Variants in CABIN1 observed in about 807,000 individuals in gnomAD.
The protein encoded by CABIN1 is calcineurin binding protein 1, also known as calcineurin-binding protein cabin-1.
In CABIN1, 133 loss-of-function variants were observed where a neutral mutation model predicts 227.7. The ratio of observed to expected loss-of-function variants is 0.58; its 90% confidence interval spans 0.51 to 0.67. The LOEUF is 0.67. Among genes scored for constraint, CABIN1 ranks in the 30% least tolerant of loss-of-function variants. The pLI is 0.00. For missense variants in CABIN1, 2,408 were observed against 2,852.5 expected, an observed-to-expected ratio of 0.84 and a Z score of 3.55; for synonymous variants, 1,086 against 1,155.1, an observed-to-expected ratio of 0.94 and a Z score of 1.21.
chr22:24,081,922 G>A lies in CABIN1; in HGVS notation c.2749-1306G>A, dbSNP rs563275582. On this transcript the variant is annotated intron_variant, in intron 19 of 36. Transcript: ENST00000263119. ...GGTGCCTGTAGTCCTAGCTACTTGG[G>A]AGGCTGAGACAGGAGAATTGCTTGA... Among the ~76,000 whole-genome samples the A allele has an allele frequency of 2.9e-4, 44 of 152,190 alleles. No homozygotes were observed. The South Asian group carries it at 5.0e-3, about 17-fold the overall frequency.
chr22:24,157,602 G>A (rs903678337), intron 29 of CABIN1, among the ~76,000 whole-genome samples: 2 of 152,002 alleles, frequency 1.3e-5, no homozygotes, highest in African/African-American at 2.4e-5. Context: ...CTGTGAAGAC[G>A]GTTGGCCCCA....
intron 7 of CABIN1, among the ~76,000 whole-genome samples, chr22:24,050,112 G>C (rs926811145): frequency 6.6e-6 from 1 of 152,202 alleles, no homozygotes; most frequent in South Asian, 2.1e-4. Context: ...CACACCTGTA[G>C]GGGTTGATTA....
intron 7 of CABIN1, 21 bp downstream of exon 7, chr22:24,049,241 T>G (rs1197213043): frequency 2.5e-6 from 4 of 1,611,386 alleles, no homozygotes; most frequent in Non-Finnish European, 3.4e-6. Flanking sequence ...CCTCTTCCCA[T>G]GCCATGTGTG....
chr22:24,114,297 G>T (rs1022274248), intron 27 of CABIN1, among the ~76,000 whole-genome samples: 4 of 152,160 alleles, frequency 2.6e-5, no homozygotes, highest in African/African-American at 9.7e-5. Flanking sequence ...CCCCACATCT[G>T]GGCTTACTGG....
rs1311976740 is a variant in CABIN1, at chr22:24,056,320, G to A, written c.1222G>A (p.Val408Ile). ...RNTKCKKEEKVDFQELLMKFL... is the reference protein window; with the variant it reads ...RNTKCKKEEKIDFQELLMKFL... ...CACCAAGTGCAAAAAAGAAGAGAAA[G>A]TAGACTTCCAGGAGCTTCTGATGAA... Residue 408 changes from valine to isoleucine, a missense_variant, in exon 10 of 37, where the codon GTA becomes ATA. Transcript: ENST00000263119. The A allele has an allele frequency of 1.9e-6, 3 of 1,613,944 alleles. No homozygotes were observed. The highest frequency in any genetic ancestry group is 1.3e-5 in the African/African-American group (1 of 75,026).
chr22:24,035,394 T>C (rs1366211921), intron 1 of CABIN1, 50 bp from the exon 2 acceptor site: 9 of 1,328,224 alleles, frequency 6.8e-6, no homozygotes, highest in African/African-American at 1.4e-5. Flanking sequence ...CACTGTGACC[T>C]TCCTGGCTCT....
Position 24,171,993 on chromosome 22 carries a change from C to G in CABIN1, c.6038C>G (p.Pro2013Arg). Residue 2013 changes from proline (P) to arginine (R), a missense_variant and splice_region_variant, in exon 34 of 37, where the codon CCA becomes CGA. Physicochemically the swap from Pro to Arg is moderately radical, Grantham distance 103. Coordinates refer to ENST00000263119, the MANE Select transcript of CABIN1 (RefSeq NM_012295.4). Reference protein sequence around the residue: ...EATPSMASLGPEGEELARVAE... With the variant: ...EATPSMASLGREGEELARVAE... The stretch of plus-strand genomic sequence containing the variant: ...ACCCCCAGCATGGCCTCTCTGGGCC[C>G]AGGTGAGTCCCATCCCAGTCCAGAG... The G allele has an allele frequency of 6.2e-7, 1 of 1,609,726 alleles. No individual in the cohort carries two copies. The highest frequency in any genetic ancestry group is 8.5e-7 in the Non-Finnish European group (1 of 1,179,608).
chr22:24,164,717 C>T (rs45541041), intron 30 of CABIN1, among the ~76,000 whole-genome samples, 154 bp downstream of exon 30: 2,796 of 152,248 alleles, frequency 0.018, 34 homozygotes, highest in Middle Eastern at 0.031. Flanking sequence ...CCTCTCTGTC[C>T]CAGTGTCTAG....
At position 24,177,148 on chromosome 22, in the gene CABIN1, C is replaced by T. The variant is rs890948792; in HGVS notation, c.6206-356C>T. On this transcript the variant is annotated intron_variant, in intron 35 of 36. Coordinates refer to ENST00000263119, the MANE Select transcript of CABIN1 (RefSeq NM_012295.4). This position sits in a 1 kb window ranked among gnomAD's most constrained non-coding sequence, Gnocchi z 4.4. ...CAGTGTCCTCCCTGGGGCATAGACACCAATAGGACATGCATCCTAGGATGG... is the reference window on the plus strand; with the variant it reads ...CAGTGTCCTCCCTGGGGCATAGACATCAATAGGACATGCATCCTAGGATGG... Among the ~76,000 whole-genome samples the T allele has an allele frequency of 6.6e-6, 1 of 152,218 alleles. No homozygotes were observed. Among genetic ancestry groups the T allele is most frequent in the Non-Finnish European group, 1.5e-5 (1 of 68,032 alleles).
At chr22:24,106,533 G>A (rs1301934529) in intron 26 of CABIN1, among the ~76,000 whole-genome samples, 2 of 152,216 alleles carry the variant, frequency 1.3e-5, no homozygotes, top group African/African-American at 2.4e-5. Flanking sequence ...TCCCAGCACT[G>A]TGGCACATTG....
chr22:24,086,079 A>G (rs2041141006), intron 22 of CABIN1, among the ~76,000 whole-genome samples: 1 of 150,982 alleles, frequency 6.6e-6, no homozygotes, highest in Admixed American at 6.6e-5. Context: ...GATTGTGTGA[A>G]AGGTTCTCAC....
intron 24 of CABIN1, among the ~76,000 whole-genome samples, chr22:24,092,784 T>C (rs1386451882): frequency 6.6e-6 from 1 of 151,808 alleles, no homozygotes; most frequent in Non-Finnish European, 1.5e-5. Context: ...CCCCTAGTGA[T>C]TCCAGTATGC....
intron 8 of CABIN1, among the ~76,000 whole-genome samples, chr22:24,051,799 A>C (rs533665729): frequency 1.3e-5 from 2 of 152,116 alleles, no homozygotes; most frequent in Non-Finnish European, 2.9e-5. Context: ...TAGGGTTGTC[A>C]TGATAATGAC....
intron 26 of CABIN1, among the ~76,000 whole-genome samples, chr22:24,111,865 G>T (rs1216478398): frequency 1.3e-5 from 2 of 152,328 alleles, no homozygotes; most frequent in Middle Eastern, 3.4e-3. Flanking sequence ...GCTGTGTCAG[G>T]TTGGCTGCAA....
chr22:24,064,718 C>CTT (rs1197836148), intron 15 of CABIN1, among the ~76,000 whole-genome samples: 2 of 151,944 alleles, frequency 1.3e-5, no homozygotes, highest in African/African-American at 4.8e-5. Flanking sequence ...GGTGATGACT[C>CTT]TTAACGAGCA....
rs1249572531 is a variant in CABIN1 at position 24,114,632 on chromosome 22, A to G, written c.4300+884A>G. On this transcript the variant is annotated intron_variant, in intron 27 of 36. Transcript: ENST00000263119. Reference sequence around the variant, plus strand: ...CACGCTACCTCTCCGGGTGGGATGGATGGATGGATGGGGAAAAACGCTGGT... The same window carrying G: ...CACGCTACCTCTCCGGGTGGGATGGGTGGATGGATGGGGAAAAACGCTGGT... Among the ~76,000 whole-genome samples the G allele has an allele frequency of 5.9e-5, 9 of 152,246 alleles. No homozygotes were observed. In the South Asian group the frequency reaches 1.5e-3, roughly 25 times the overall value.
chr22:24,082,296 C>G (rs1274842962), intron 19 of CABIN1, among the ~76,000 whole-genome samples: 1 of 151,998 alleles, frequency 6.6e-6, no homozygotes, highest in Non-Finnish European at 1.5e-5. Context: ...CACTTTGTTG[C>G]CCAGGCTGGT....
At chr22:24,163,400 G>C (rs915695380) in intron 29 of CABIN1, among the ~76,000 whole-genome samples, 1 of 152,132 alleles carries the variant, frequency 6.6e-6, no homozygotes, top group Non-Finnish European at 1.5e-5. Context: ...CCCTGAGAGG[G>C]GTACCACCTA....
intron 29 of CABIN1, among the ~76,000 whole-genome samples, chr22:24,136,347 C>CTTTT (rs71184947): frequency 1.8e-4 from 20 of 113,208 alleles, no homozygotes; most frequent in African/African-American, 3.1e-4. Flanking sequence ...GCCATCCCTC[C>CTTTT]TTTTTTTTTT....
Sources: gnomAD v4.1 joint callset for allele counts (sites outside exome capture counted in the v4.1 genomes callset) on GRCh38, gnomAD v4.1.1 for gene constraint, Gnocchi (gnomAD v3.1) non-coding constraint, MANE v1.5 for transcripts, NCBI Gene and HGNC (gene_info 2026-07-23, HGNC 2026-07-21) for gene names.